The following CACNA1E variants were observed in gnomAD, a reference collection of about 807,000 sequenced individuals.
CACNA1E encodes calcium voltage-gated channel subunit alpha1 E, also known as voltage-dependent R-type calcium channel subunit alpha-1E.
A neutral mutation model predicts 259.2 loss-of-function variants in CACNA1E; 40 were observed. That is an observed-to-expected ratio of 0.15 (90% CI 0.12 to 0.20). The LOEUF is 0.20. CACNA1E is among the 10% of genes least tolerant of loss of function. The probability of loss-of-function intolerance (pLI) is 1.00; values close to 1 mark genes in which losing one functional copy is unlikely to be tolerated. For synonymous variants in CACNA1E, 1,104 were observed against 1,138.5 expected, an observed-to-expected ratio of 0.97 and a Z score of 0.61; for missense variants, 1,874 against 3,040.1, an observed-to-expected ratio of 0.62 and a Z score of 9.02.
intron 1 of CACNA1E, among the ~76,000 whole-genome samples, chr1:181,353,456 A>G (rs1653189783): frequency 6.6e-6 from 1 of 152,228 alleles, no homozygotes; most frequent in Non-Finnish European, 1.5e-5. Context: ...AGTCTGAAAG[A>G]TAACTTGGGT....
At chr1:181,392,812 AAG>A (rs1227524497) in intron 1 of CACNA1E, among the ~76,000 whole-genome samples, 2 of 152,226 alleles carry the variant, frequency 1.3e-5, no homozygotes, top group Non-Finnish European at 2.9e-5. Context: ...GCTGGAAAAA[AAG>A]ACAGTGGCAA....
At chr1:181,705,155 A>G (rs533928869) in intron 7 of CACNA1E, among the ~76,000 whole-genome samples, 6 of 152,246 alleles carry the variant, frequency 3.9e-5, no homozygotes, top group Non-Finnish European at 7.3e-5. Context: ...GTGGCTCCTT[A>G]TAGGTTCATA....
chr1:181,748,657 T>TAAG (rs1657325659), intron 25 of CACNA1E, among the ~76,000 whole-genome samples: 1 of 152,236 alleles, frequency 6.6e-6, no homozygotes, highest in Non-Finnish European at 1.5e-5. Flanking sequence ...AGTTCTTCCT[T>TAAG]AAGACAAATG....
At chr1:181,775,380 T>C (rs1659887851) in intron 37 of CACNA1E, among the ~76,000 whole-genome samples, 2 of 152,208 alleles carry the variant, frequency 1.3e-5, no homozygotes, top group African/African-American at 4.8e-5. Context: ...TTGTTAACTC[T>C]CTACTCTGGT....
intron 7 of CACNA1E, among the ~76,000 whole-genome samples, chr1:181,659,224 GT>G (rs772441657): frequency 1.3e-5 from 2 of 152,130 alleles, no homozygotes; most frequent in Non-Finnish European, 2.9e-5. Flanking sequence ...ACATCCACTG[GT>G]GCTCAGGGAC....
Position 181,370,726 on chromosome 1 carries a change from C to T in CACNA1E, c.-14-42407C>T, listed in dbSNP as rs575631430. ...TCCATGTCTTCACTATGGTGACTAACACTGTGATAAACATATGGGTGCATT... is the reference window on the plus strand; with the variant it reads ...TCCATGTCTTCACTATGGTGACTAATACTGTGATAAACATATGGGTGCATT... On this transcript the variant is annotated intron_variant, in intron 1 of 11. Coordinates refer to the CACNA1E transcript ENST00000524607. Among the ~76,000 whole-genome samples the T allele has an allele frequency of 3.9e-5, 6 of 152,212 alleles. No homozygotes were observed. In the East Asian group the frequency reaches 1.2e-3, roughly 29 times the overall value.
chr1:181,775,372 G>A (rs1390628252), intron 37 of CACNA1E, among the ~76,000 whole-genome samples: 1 of 152,180 alleles, frequency 6.6e-6, no homozygotes, highest in Non-Finnish European at 1.5e-5. Flanking sequence ...TTCCACCTTT[G>A]TTAACTCTCT....
chr1:181,714,511 A>T (rs557166150), intron 8 of CACNA1E, among the ~76,000 whole-genome samples: 1 of 152,010 alleles, frequency 6.6e-6, no homozygotes, highest in South Asian at 2.1e-4. Context: ...CAATTAAACT[A>T]ATCTCTAGTG....
chr1:181,690,368 G>A (rs183761184), intron 7 of CACNA1E, among the ~76,000 whole-genome samples: 2 of 152,228 alleles, frequency 1.3e-5, no homozygotes, highest in African/African-American at 2.4e-5. Flanking sequence ...ATGCTGTTTT[G>A]GTTACTGTAG....
At chr1:181,711,223 CGA>C in intron 8 of CACNA1E, among the ~76,000 whole-genome samples, 154 bp downstream of exon 8, 1 of 152,180 alleles carries the variant, frequency 6.6e-6, no homozygotes, top group East Asian at 1.9e-4. Flanking sequence ...CCTGCTCATC[CGA>C]CTTTCTTCCT....
chr1:181,699,430 A>G (rs1652017688), intron 7 of CACNA1E, among the ~76,000 whole-genome samples: 1 of 152,218 alleles, frequency 6.6e-6, no homozygotes, highest in African/African-American at 2.4e-5. Flanking sequence ...TGATCAGGAA[A>G]GTTCTCCCAT....
intron 21 of CACNA1E, 43 bp downstream of exon 21, chr1:181,733,793 C>G (rs751284784): frequency 2.1e-6 from 3 of 1,399,302 alleles, no homozygotes; most frequent in Admixed American, 5.3e-5. Context: ...CAACTCCTAT[C>G]CCATCTGGGG....
chr1:181,462,513 C>G lies in CACNA1E; in HGVS notation c.435-21231C>G, dbSNP rs542068320. Reference sequence around the variant, plus strand: ...ATAGAAAACAAGAGACACCCACGTACCCACTACCAAGATTAAATACATAAT... The same window carrying G: ...ATAGAAAACAAGAGACACCCACGTAGCCACTACCAAGATTAAATACATAAT... On this transcript the variant is annotated intron_variant, in intron 2 of 11. Transcript: ENST00000524607. 2.6e-4 allele frequency among the ~76,000 whole-genome samples: 39 copies of G among 152,298 alleles called. No individual in the cohort carries two copies. The East Asian group carries it at 6.2e-3, about 24-fold the overall frequency.
intron 3 of CACNA1E, among the ~76,000 whole-genome samples, chr1:181,531,568 C>T (rs143754798): frequency 2.8e-4 from 43 of 152,278 alleles, no homozygotes; most frequent in African/African-American, 7.9e-4. Context: ...CTGGGCAGGG[C>T]GGGAGGTATG....
intron 37 of CACNA1E, 31 bp downstream of exon 37, chr1:181,772,262 G>A: frequency 1.2e-6 from 2 of 1,601,496 alleles, no homozygotes; most frequent in Non-Finnish European, 1.7e-6. Context: ...GCCTTGCTAT[G>A]TGGCCCATCC....
At chr1:181,685,439 C>T (rs1008028956) in intron 7 of CACNA1E, among the ~76,000 whole-genome samples, 10 of 152,252 alleles carry the variant, frequency 6.6e-5, no homozygotes, top group Admixed American at 1.3e-4. Flanking sequence ...CTGCCAGTAA[C>T]AGTTTCATTG....
Position 181,721,725 on chromosome 1 carries a change from G to A in CACNA1E, c.1957-33G>A, listed in dbSNP as rs1468468480. The A allele has an allele frequency of 2.1e-6, 3 of 1,450,244 alleles. No homozygotes were observed. The Admixed American group carries it at 5.1e-5, about 24-fold the overall frequency. 89.8% of individuals were successfully genotyped at this position (1,450,244 alleles called of 1,614,324 possible). On this transcript the variant is annotated intron_variant, in intron 15 of 47. Coordinates refer to ENST00000367573, the MANE Select transcript of CACNA1E (RefSeq NM_001205293.3). The stretch of plus-strand genomic sequence containing the variant: ...GGCCCCATTTTCTCCTCCAGCCCAG[G>A]TTTCTGATGCGCCTGTCATTTGCTT...
intron 1 of CACNA1E, among the ~76,000 whole-genome samples, chr1:181,487,203 A>G (rs1407732350): frequency 6.6e-6 from 1 of 152,146 alleles, no homozygotes. Context: ...GAGGGGGATA[A>G]TGTACACTTC....
At chr1:181,739,743 C>T (rs1336185270) in intron 25 of CACNA1E, among the ~76,000 whole-genome samples, 1 of 152,130 alleles carries the variant, frequency 6.6e-6, no homozygotes, top group Non-Finnish European at 1.5e-5. Context: ...TCCAGGGATG[C>T]CAGAACCATG....
Sources: allele counts gnomAD v4.1 joint callset (sites outside exome capture counted in the v4.1 genomes callset), GRCh38; gene constraint gnomAD v4.1.1; transcripts MANE v1.5; gene names NCBI Gene and HGNC (gene_info 2026-07-23, HGNC 2026-07-21).